ART3: variants seen among roughly 807,000 people sequenced by gnomAD.
ART3 encodes ADP-ribosyltransferase 3 (inactive), also known as ecto-ADP-ribosyltransferase 3.
ART3 carries 49 observed loss-of-function variants against 48.5 expected under a neutral mutation model. The observed-to-expected ratio is 1.01, with a 90% CI of 0.80 to 1.28. The LOEUF (loss-of-function observed/expected upper bound fraction) is 1.28, where lower values mean the gene tolerates loss of function less well. Ranked by LOEUF, ART3 falls within the 50% of genes most tolerant of loss-of-function variation. The pLI is 0.00. For synonymous variants in ART3, 145 were observed against 157.2 expected, an observed-to-expected ratio of 0.92 and a Z score of 0.58; for missense variants, 438 against 454.3, an observed-to-expected ratio of 0.96 and a Z score of 0.33.
In ART3 at chr4:76,036,136, A is replaced by G; in HGVS notation, c.-10+24816A>G. The G allele has an allele frequency of 4.6e-6, 3 of 645,418 alleles. No homozygotes were observed. The South Asian group carries it at 5.9e-5, about 13-fold the overall frequency. 40.0% of individuals were successfully genotyped at this position (645,418 alleles called of 1,614,324 possible). A position where few individuals can be genotyped will look rare whatever the true frequency, so the allele number is the denominator to read the frequency against. ...TACACCAGCAATCCTTTTATGGCAC[A>G]GGAATTTCCCTCTTTGAGTCATGCA... On this transcript the variant is annotated intron_variant, in intron 1 of 9. Coordinates refer to the ART3 transcript ENST00000341029.
intron 1 of ART3, among the ~76,000 whole-genome samples, chr4:76,031,187 G>T (rs894208949): frequency 1.3e-5 from 2 of 151,930 alleles, no homozygotes; most frequent in Non-Finnish European, 2.9e-5. Flanking sequence ...AAATCAGGGG[G>T]AATATTAGTA....
At chr4:76,069,778 TG>T (rs1274088319), upstream of ART3, among the ~76,000 whole-genome samples, 2 of 151,794 alleles carry the variant, frequency 1.3e-5, no homozygotes, top group Admixed American at 6.6e-5. Context: ...ACATTTGGAC[TG>T]AAATCTAGAC....
At chr4:76,079,176 T>TAAAAAA (rs35036561) in intron 2 of ART3, among the ~76,000 whole-genome samples, 14,835 of 130,280 alleles carry the variant, frequency 0.11, 1,194 homozygotes, top group African/African-American at 0.21. Context: ...TCATCTTTGT[T>TAAAAAA]AAAAAAAAAA....
intron 3 of ART3, among the ~76,000 whole-genome samples, chr4:76,091,839 G>A (rs546704141): frequency 2.0e-5 from 3 of 152,036 alleles, no homozygotes; most frequent in East Asian, 1.9e-4. Flanking sequence ...GTGCCATCAC[G>A]CCTGGCTAAT....
At chr4:76,064,178 T>C (rs6840980) in intron 1 of ART3, among the ~76,000 whole-genome samples, 89,119 of 152,016 alleles carry the variant, frequency 0.59, 26,974 homozygotes, top group East Asian at 0.94. Context: ...AAGAACAAAA[T>C]GGATTCCAAG....
chr4:76,019,746 G>A (rs1247765782), intron 1 of ART3, among the ~76,000 whole-genome samples: 10 of 151,064 alleles, frequency 6.6e-5, no homozygotes, highest in African/African-American at 1.9e-4. Flanking sequence ...GAGCCACCGC[G>A]CCCGGCCATA....
At chr4:76,039,134 G>GTATTTTCTCTT (rs1734720344) in intron 1 of ART3, among the ~76,000 whole-genome samples, 1 of 135,830 alleles carries the variant, frequency 7.4e-6, no homozygotes, top group East Asian at 2.2e-4. Flanking sequence ...GAGTCTCTCT[G>GTATTTTCTCTT]TGCCACCCAG....
At chr4:76,093,769 C>T (rs1725428064) in intron 3 of ART3, among the ~76,000 whole-genome samples, 1 of 152,156 alleles carries the variant, frequency 6.6e-6, no homozygotes, top group Non-Finnish European at 1.5e-5. Flanking sequence ...GTAATTCTAT[C>T]TGGTGTATTT....
chr4:76,035,031 T>C (rs1734226374), intron 1 of ART3: 2 of 1,597,786 alleles, frequency 1.3e-6, no homozygotes, highest in Non-Finnish European at 1.7e-6. Context: ...AACATGGGAG[T>C]AATTTGGTAA....
intron 1 of ART3, among the ~76,000 whole-genome samples, chr4:76,017,142 G>A (rs1298669850): frequency 6.6e-6 from 1 of 152,064 alleles, no homozygotes; most frequent in African/African-American, 2.4e-5. Context: ...CAAGCAGAAG[G>A]AATCTCTCAC....
intron 1 of ART3, among the ~76,000 whole-genome samples, chr4:76,017,395 C>A (rs1365677936): frequency 6.6e-6 from 1 of 151,926 alleles, no homozygotes; most frequent in African/African-American, 2.4e-5. Flanking sequence ...GGAATAGGGG[C>A]CTCATGACTC....
At chr4:76,054,987 C>T (rs904442905) in intron 1 of ART3, among the ~76,000 whole-genome samples, 2 of 152,178 alleles carry the variant, frequency 1.3e-5, no homozygotes, top group African/African-American at 2.4e-5. Flanking sequence ...GTTGCTCAGG[C>T]TGGACTCAAA....
intron 3 of ART3, among the ~76,000 whole-genome samples, chr4:76,096,234 G>T (rs1725985777): frequency 6.6e-6 from 1 of 152,080 alleles, no homozygotes; most frequent in African/African-American, 2.4e-5. Context: ...ACAACATTTT[G>T]TAATAATCTC....
chr4:76,025,983 C>T (rs566133933), intron 1 of ART3, among the ~76,000 whole-genome samples: 2 of 152,118 alleles, frequency 1.3e-5, no homozygotes, highest in South Asian at 4.2e-4. Context: ...TGCTTAAGAC[C>T]TCAAACAACT....
At position 76,082,514 on chromosome 4, in the gene ART3, T is replaced by TA. The variant is rs1177520054; in HGVS notation, c.761dup (p.Tyr254Ter). The change falls in exon 3 of 12, where the codon TAT becomes TAAT. Residue 254 changes from tyrosine (Y) to a stop codon, truncating the protein, a stop_gained and frameshift_variant. Coordinates refer to ENST00000355810, the MANE Select transcript of ART3 (RefSeq NM_001130016.3). LOFTEE classifies it high-confidence loss of function. ...AAGCATAAACAAGACCTGCAGCCATTATGAGTGTGCATTTCTAGGTGGTAA... is the reference window on the plus strand; with the variant it reads ...AAGCATAAACAAGACCTGCAGCCATTAATGAGTGTGCATTTCTAGGTGGTAA... The part of the protein sequence containing the change: ...LQSINKTCSH[Y>*]ECAFLGGLKT... The TA allele has an allele frequency of 1.9e-6, 3 of 1,590,440 alleles. No individual in the cohort carries two copies. Among genetic ancestry groups the TA allele is most frequent in the Non-Finnish European group, 2.6e-6 (3 of 1,168,324 alleles).
At chr4:76,089,414 T>A (rs1020279103) in intron 3 of ART3, among the ~76,000 whole-genome samples, 1 of 152,186 alleles carries the variant, frequency 6.6e-6, no homozygotes, top group African/African-American at 2.4e-5. Context: ...GCTGTTATCA[T>A]GATAGAGTTC....
rs563824914 is a variant in ART3, at chr4:76,104,100, C to T, written c.970+131C>T. On this transcript the variant is annotated intron_variant, in intron 9 of 11. Coordinates refer to ENST00000355810, the MANE Select transcript of ART3 (RefSeq NM_001130016.3). ...CTTATAGCTACCTGCCAGTCATCTA[C>T]AAATATTTAGCTGGGGAAGCGTAGA... is the stretch of plus-strand genomic sequence containing the variant. 3.8e-6 allele frequency: 4 copies of T among 1,060,488 alleles called. No individual in the cohort carries two copies. The South Asian group carries it at 5.6e-5, about 15-fold the overall frequency. 65.7% of individuals were successfully genotyped at this position (1,060,488 alleles called of 1,614,324 possible).
chr4:76,053,782 A>G (rs1736360545), intron 1 of ART3, among the ~76,000 whole-genome samples: 1 of 152,220 alleles, frequency 6.6e-6, no homozygotes, highest in African/African-American at 2.4e-5. Flanking sequence ...TACCTCTGTC[A>G]GAATGTTTGC....
At chr4:76,065,122 G>A (rs1578385993) in intron 1 of ART3, among the ~76,000 whole-genome samples, 2 of 152,150 alleles carry the variant, frequency 1.3e-5, no homozygotes, top group South Asian at 4.1e-4. Context: ...GTGAGTAATG[G>A]TAGCCATAGT....
Sources: allele counts gnomAD v4.1 joint callset (sites outside exome capture counted in the v4.1 genomes callset), GRCh38; gene constraint gnomAD v4.1.1; transcripts MANE v1.5; gene names NCBI Gene and HGNC (gene_info 2026-07-23, HGNC 2026-07-21).